The following LYRM7 variants were observed in gnomAD, a reference collection of about 807,000 sequenced individuals.
The protein encoded by LYRM7 is LYR motif containing 7.
A neutral mutation model predicts 15.8 loss-of-function variants in LYRM7; 9 were observed. That is an observed-to-expected ratio of 0.57 (90% CI 0.34 to 0.99). The LOEUF (loss-of-function observed/expected upper bound fraction) is 0.99, where lower values mean the gene tolerates loss of function less well. Among genes scored for constraint, LYRM7 ranks in the 50% least tolerant of loss-of-function variants. LYRM7 has a pLI of 0.02. For synonymous variants in LYRM7, 39 were observed against 39.4 expected (o/e 0.99, Z 0.04); for missense variants, 115 against 119.1 (o/e 0.97, Z 0.16).
intron 4 of LYRM7, among the ~76,000 whole-genome samples, chr5:131,190,631 C>T (rs1202633625): frequency 6.6e-6 from 1 of 151,992 alleles, no homozygotes; most frequent in African/African-American, 2.4e-5. Flanking sequence ...GCTGGGATTA[C>T]AGGAGCTTGC....
rs1403612297 is a variant in LYRM7, at chr5:131,202,369, C to T, written c.*2768C>T. On this transcript the variant is annotated 3_prime_UTR_variant, in exon 5 of 5. Coordinates refer to ENST00000379380, the MANE Select transcript of LYRM7 (RefSeq NM_181705.4). ...ATTAGCAGGACATGGTGATACACAC[C>T]TGTAATCCCAGCTAGTCAGGAGGCT... 1 of 152,186 alleles carries T rather than the reference C, an allele frequency of 6.6e-6. No homozygotes were observed. Among genetic ancestry groups the T allele is most frequent in the Non-Finnish European group, 1.5e-5 (1 of 68,062 alleles). 9.4% of individuals were successfully genotyped at this position (152,186 alleles called of 1,614,324 possible). A position where few individuals can be genotyped will look rare whatever the true frequency, so the allele number is the denominator to read the frequency against.
rs750311709 is a variant in LYRM7, at chr5:131,182,281, T to C, written c.144T>C (p.Ser48=). Residue 48 remains serine, a synonymous_variant, in exon 3 of 5, where the codon TCT becomes TCC. Coordinates refer to ENST00000379380, the MANE Select transcript of LYRM7 (RefSeq NM_181705.4). Reference sequence around the variant, plus strand: ...TCAAAAATAATAAAAGTGAAACTTCTTCTAAGAAAATAGAAGAGGTACAGT... The same window carrying C: ...TCAAAAATAATAAAAGTGAAACTTCCTCTAAGAAAATAGAAGAGGTACAGT... ...EEFKNNKSET[S]SKKIEELMKI... is the part of the protein sequence containing the mutation. The C allele has an allele frequency of 2.8e-6, 4 of 1,422,244 alleles. No homozygotes were observed. 88.1% of individuals were successfully genotyped at this position (1,422,244 alleles called of 1,614,324 possible).
intron 1 of LYRM7, among the ~76,000 whole-genome samples, chr5:131,172,250 C>T (rs1755534213): frequency 6.6e-6 from 1 of 152,174 alleles, no homozygotes; most frequent in South Asian, 2.1e-4. Context: ...CCTATCTCTA[C>T]TAAAGATACA....
At chr5:131,196,448 A>C (rs1561549233) in intron 4 of LYRM7, among the ~76,000 whole-genome samples, 1 of 152,010 alleles carries the variant, frequency 6.6e-6, no homozygotes, top group Non-Finnish European at 1.5e-5. Context: ...TGTTACTTCC[A>C]AGAAAGTCAT....
At chr5:131,180,061 T>G (rs1755666045) in intron 1 of LYRM7, 34 bp from the exon 2 acceptor site, 1 of 1,480,498 alleles carries the variant, frequency 6.8e-7, no homozygotes, top group Admixed American at 1.7e-5. Flanking sequence ...CATGAGCCAC[T>G]GTGCCCAACC....
In LYRM7 at chr5:131,196,758, T is replaced by A. The variant is rs531666902; in HGVS notation, c.245-2773T>A. ...TCTCGGCTCACTGCAACCTCTGCCT[T>A]TGGGTTCAAGCGATTCTCCTGCCTC... On this transcript the variant is annotated intron_variant, in intron 4 of 4. Transcript: ENST00000379380. Among the ~76,000 whole-genome samples, 85 of 151,724 alleles carry A rather than the reference T, an allele frequency of 5.6e-4. 1 individual carries two copies. The highest frequency in any genetic ancestry group is 3.4e-3 in the Middle Eastern group (1 of 294).
intron 4 of LYRM7, among the ~76,000 whole-genome samples, chr5:131,189,977 A>G (rs1755859500): frequency 6.6e-6 from 1 of 151,672 alleles, no homozygotes; most frequent in Non-Finnish European, 1.5e-5. Context: ...TACCAGAAAT[A>G]CGAAAAATTC....
At chr5:131,179,479 T>C (rs2149660519) in intron 1 of LYRM7, among the ~76,000 whole-genome samples, 1 of 143,072 alleles carries the variant, frequency 7.0e-6, no homozygotes, top group East Asian at 2.0e-4. Context: ...TTTTCTTTTT[T>C]TTTTTTTGAG....
intron 3 of LYRM7, among the ~76,000 whole-genome samples, chr5:131,182,702 T>C (rs1755733873): frequency 6.6e-6 from 1 of 152,218 alleles, no homozygotes. Flanking sequence ...ATCTTGGCAA[T>C]GACAAACAGC....
intron 4 of LYRM7, among the ~76,000 whole-genome samples, chr5:131,190,526 C>T (rs60280131): frequency 0.17 from 24,996 of 147,554 alleles, 2,421 homozygotes; most frequent in African/African-American, 0.27. Context: ...TTTTCGCTCT[C>T]GTCACCTAGG....
At chr5:131,198,857 C>A (rs1013214399) in intron 4 of LYRM7, among the ~76,000 whole-genome samples, 1 of 151,998 alleles carries the variant, frequency 6.6e-6, no homozygotes, top group African/African-American at 2.4e-5. Context: ...AGCCGTGAGT[C>A]ACCACACCCG....
rs1434390485 is a variant in LYRM7 at position 131,204,689 on chromosome 5, AAAG to A, written c.*5091_*5093del. The A allele has an allele frequency of 3.9e-5, 6 of 151,982 alleles. No individual in the cohort carries two copies. The highest frequency in any genetic ancestry group is 6.6e-5 in the Admixed American group (1 of 15,252). 9.4% of individuals were successfully genotyped at this position (151,982 alleles called of 1,614,324 possible). ...TAATCCAAAATACAAAAAAAAAAAAAAAGAAATCTGAAACACTTCTGATCCCAA... is the reference window on the plus strand; with the variant it reads ...TAATCCAAAATACAAAAAAAAAAAAAAAATCTGAAACACTTCTGATCCCAA... On this transcript the variant is annotated 3_prime_UTR_variant, in exon 5 of 5. Coordinates refer to ENST00000379380, the MANE Select transcript of LYRM7 (RefSeq NM_181705.4).
intron 4 of LYRM7, among the ~76,000 whole-genome samples, chr5:131,196,103 T>C (rs1212235612): frequency 9.2e-6 from 1 of 108,822 alleles, no homozygotes. Context: ...TCTCCTGTTC[T>C]TTTTTTTTTT....
At chr5:131,174,044 G>C (rs1248100648) in intron 1 of LYRM7, among the ~76,000 whole-genome samples, 1 of 152,208 alleles carries the variant, frequency 6.6e-6, no homozygotes, top group African/African-American at 2.4e-5. Context: ...ACCCACAGTA[G>C]AGCATCTTTC....
At chr5:131,181,374 TA>T (rs1384135392) in intron 2 of LYRM7, among the ~76,000 whole-genome samples, 8 of 9,444 alleles carry the variant, frequency 8.5e-4, no homozygotes, top group African/African-American at 4.1e-3. Flanking sequence ...CATATATATG[TA>T]TATATAATAT....
chr5:131,173,061 C>T (rs1283771921), intron 1 of LYRM7, among the ~76,000 whole-genome samples: 1 of 152,172 alleles, frequency 6.6e-6, no homozygotes, highest in Non-Finnish European at 1.5e-5. Flanking sequence ...TAATGTTGTA[C>T]TTTAAATAGC....
chr5:131,171,030 G>A lies in LYRM7; in HGVS notation c.10G>A (p.Ala4Thr). The change falls in exon 1 of 5, where the codon GCA becomes ACA. Residue 4 changes from alanine to threonine, a missense_variant. Physicochemically the swap from Ala to Thr is moderately conservative, Grantham distance 58 (BLOSUM62 0). Coordinates refer to ENST00000379380, the MANE Select transcript of LYRM7 (RefSeq NM_181705.4). ...CGCGGTGAGGAGAGCCATGGGACGG[G>A]CAGTCAAGGTGACAGGGCCCGGGAA... MGR[A>T]VKVLQLFKTL... The A allele has an allele frequency of 6.5e-7, 1 of 1,536,484 alleles. No individual in the cohort carries two copies. Among genetic ancestry groups the A allele is most frequent in the East Asian group, 2.6e-5 (1 of 38,502 alleles).
At chr5:131,173,774 A>T (rs7717968) in intron 1 of LYRM7, among the ~76,000 whole-genome samples, 13,962 of 152,258 alleles carry the variant, frequency 0.092, 804 homozygotes, top group South Asian at 0.13. Flanking sequence ...AAGGAAGTAC[A>T]TACCTTAAAT....
chr5:131,175,106 A>G (rs1755578592), intron 1 of LYRM7, among the ~76,000 whole-genome samples: 1 of 152,034 alleles, frequency 6.6e-6, no homozygotes, highest in Non-Finnish European at 1.5e-5. Context: ...TGTAGAGCAC[A>G]GGTAGAGTAG....
Sources: gnomAD v4.1 joint callset for allele counts (sites outside exome capture counted in the v4.1 genomes callset) on GRCh38, gnomAD v4.1.1 for gene constraint, MANE v1.5 for transcripts, NCBI Gene and HGNC (gene_info 2026-07-23, HGNC 2026-07-21) for gene names.